The following RIMS2 variants were observed in gnomAD, a reference collection of about 807,000 sequenced individuals.
RIMS2 encodes regulating synaptic membrane exocytosis protein 2.
A neutral mutation model predicts 174.4 loss-of-function variants in RIMS2; 59 were observed. The ratio of observed to expected loss-of-function variants is 0.34; its 90% CI spans 0.27 to 0.42. The LOEUF (loss-of-function observed/expected upper bound fraction) is 0.42, where lower values mean the gene tolerates loss of function less well. RIMS2 is among the 10% of genes least tolerant of loss of function. The probability of loss-of-function intolerance (pLI) is 1.00; values close to 1 mark genes in which losing one functional copy is unlikely to be tolerated. For missense variants in RIMS2, 1,620 were observed against 1,666.3 expected (o/e 0.97, Z 0.48); for synonymous variants, 606 against 572.5 (o/e 1.06, Z -0.84).
chr8:103,782,277 A>G (rs2098398866), intron 3 of RIMS2, among the ~76,000 whole-genome samples: 1 of 152,032 alleles, frequency 6.6e-6, no homozygotes, highest in African/African-American at 2.4e-5. Context: ...TTAATTTAGC[A>G]GCATATGTTG....
intron 19 of RIMS2, among the ~76,000 whole-genome samples, chr8:104,033,002 T>C (rs921999938): frequency 2.6e-5 from 4 of 151,936 alleles, no homozygotes; most frequent in Non-Finnish European, 4.4e-5. Flanking sequence ...TAAGTGCTAT[T>C]AAGGAGAATA....
chr8:104,102,378 C>T (rs554363545), intron 19 of RIMS2, among the ~76,000 whole-genome samples: 7 of 152,170 alleles, frequency 4.6e-5, no homozygotes, highest in Admixed American at 2.6e-4. Context: ...TTTCTTCCCT[C>T]CATTCACCAA....
At chr8:104,030,068 A>T (rs911319426) in intron 19 of RIMS2, among the ~76,000 whole-genome samples, 3 of 152,106 alleles carry the variant, frequency 2.0e-5, no homozygotes, top group African/African-American at 7.2e-5. Context: ...CAGTGGTTTC[A>T]TCTTTCCAGT....
chr8:103,578,526 G>C (rs969793112), intron 1 of RIMS2, among the ~76,000 whole-genome samples: 1 of 151,726 alleles, frequency 6.6e-6, no homozygotes. Flanking sequence ...GTGAGCTCCT[G>C]TCAAAACAAA....
chr8:103,699,513 A>G (rs2097144758), intron 2 of RIMS2, among the ~76,000 whole-genome samples: 1 of 152,148 alleles, frequency 6.6e-6, no homozygotes, highest in African/African-American at 2.4e-5. Flanking sequence ...TACAGGTGTG[A>G]GCCACCACGT....
At chr8:104,025,972 C>T (rs929888423) in intron 19 of RIMS2, among the ~76,000 whole-genome samples, 2 of 151,060 alleles carry the variant, frequency 1.3e-5, no homozygotes, top group Non-Finnish European at 3.0e-5. Flanking sequence ...TAGGCTACCC[C>T]ATCTAGGTTT....
chr8:103,588,024 C>A (rs1054335714), intron 1 of RIMS2, among the ~76,000 whole-genome samples: 1 of 151,720 alleles, frequency 6.6e-6, no homozygotes, highest in African/African-American at 2.4e-5. Context: ...CTCCACAAGA[C>A]GACTATTAGA....
chr8:104,061,226 CA>C (rs2096981383), intron 19 of RIMS2, among the ~76,000 whole-genome samples: 1 of 151,950 alleles, frequency 6.6e-6, no homozygotes, highest in Admixed American at 6.6e-5. Flanking sequence ...GTAGGTCACT[CA>C]GGACTTGCTT....
intron 1 of RIMS2, among the ~76,000 whole-genome samples, chr8:103,506,324 A>G (rs1823593248): frequency 6.6e-6 from 1 of 152,148 alleles, no homozygotes. Context: ...TTGATAAAGA[A>G]CTAATTATAT....
chr8:103,509,625 T>C (rs888318851), intron 1 of RIMS2, among the ~76,000 whole-genome samples: 1 of 152,144 alleles, frequency 6.6e-6, no homozygotes, highest in Non-Finnish European at 1.5e-5. Context: ...GTGCTTGTAT[T>C]ATAAAAGGGA....
At chr8:103,575,329 T>G (rs1015841978) in intron 1 of RIMS2, among the ~76,000 whole-genome samples, 1 of 152,188 alleles carries the variant, frequency 6.6e-6, no homozygotes, top group Non-Finnish European at 1.5e-5. Context: ...TCTGATACAC[T>G]GTTTTTAGCA....
intron 3 of RIMS2, among the ~76,000 whole-genome samples, chr8:103,853,589 T>C (rs1022276772): frequency 4.6e-5 from 7 of 152,188 alleles, no homozygotes; most frequent in Admixed American, 1.3e-4. Flanking sequence ...CTGGTTTTAT[T>C]ACTCTGCATA....
chr8:104,205,848 C>T lies in RIMS2; in HGVS notation c.3335-39068C>T, dbSNP rs549132906. Among the ~76,000 whole-genome samples, 117 of 151,936 alleles carry T rather than the reference C, an allele frequency of 7.7e-4. 2 individuals are homozygous for T. The Middle Eastern group carries it at 0.014, about 18-fold the overall frequency. ...TCGGCTCATTGCAACCTCTGCCTCC[C>T]GGCTTCAAGCGATTCTCCTGCCTCA... On this transcript the variant is annotated intron_variant, in intron 19 of 23. Transcript: ENST00000504942.
intron 2 of RIMS2, among the ~76,000 whole-genome samples, chr8:103,734,494 A>T: frequency 6.8e-6 from 1 of 147,160 alleles, no homozygotes. Context: ...ACATATTAGT[A>T]TTTTTATTTC....
chr8:103,668,480 G>A (rs942683800), intron 1 of RIMS2, among the ~76,000 whole-genome samples: 2 of 152,012 alleles, frequency 1.3e-5, no homozygotes. Flanking sequence ...TGTTCAAATG[G>A]CCAATCAGGT....
chr8:103,818,662 A>G (rs1490295210), intron 3 of RIMS2, among the ~76,000 whole-genome samples: 1 of 152,202 alleles, frequency 6.6e-6, no homozygotes, highest in Non-Finnish European at 1.5e-5. Context: ...TTTTAATTGA[A>G]AAGCTATAAT....
intron 2 of RIMS2, among the ~76,000 whole-genome samples, chr8:103,734,353 AG>A (rs2097656744): frequency 6.9e-6 from 1 of 144,158 alleles, no homozygotes. Context: ...CTTTTAGTGC[AG>A]GTTTACTAGG....
rs562791383 is a variant in RIMS2, at chr8:104,162,005, T to C, written c.3335-82911T>C. Among the ~76,000 whole-genome samples the C allele has an allele frequency of 2.0e-5, 3 of 152,354 alleles. No individual in the cohort carries two copies. The East Asian group carries it at 5.8e-4, about 29-fold the overall frequency. ...CCAGTCAGAGAAGTTTCCCTGCTTT[T>C]AAGGGCTTATGTAATTAGATTGGGC... On this transcript the variant is annotated intron_variant, in intron 19 of 23. Coordinates refer to ENST00000504942, the Ensembl canonical transcript of RIMS2.
At chr8:103,834,676 T>TTTCTTTCTTTC (rs2098847912) in intron 3 of RIMS2, among the ~76,000 whole-genome samples, 4 of 120,096 alleles carry the variant, frequency 3.3e-5, no homozygotes, top group East Asian at 2.3e-4. Flanking sequence ...TCTGAGGTCT[T>TTTCTTTCTTTC]TTTCTTTCTT....
Sources: allele counts gnomAD v4.1 joint callset (sites outside exome capture counted in the v4.1 genomes callset), GRCh38; gene constraint gnomAD v4.1.1; transcripts MANE v1.5; gene names NCBI Gene and HGNC (gene_info 2026-07-23, HGNC 2026-07-21).